SYT1: variants seen among roughly 807,000 people sequenced by gnomAD.
SYT1 encodes synaptotagmin 1, also known as synaptotagmin-1.
A neutral mutation model predicts 44.8 loss-of-function variants in SYT1; 8 were observed. The ratio of observed to expected loss-of-function variants is 0.18; its 90% CI spans 0.10 to 0.32. The LOEUF (loss-of-function observed/expected upper bound fraction) is 0.32. SYT1 is among the 10% of genes least tolerant of loss of function. The probability of loss-of-function intolerance (pLI) is 1.00; values close to 1 mark genes in which losing one functional copy is unlikely to be tolerated. For synonymous variants in SYT1, 154 were observed against 188.8 expected (o/e 0.82, Z 1.51); for missense variants, 286 against 509.3 (o/e 0.56, Z 4.22).
chr12:79,256,890 A>G (rs1226469733), intron 4 of SYT1, among the ~76,000 whole-genome samples: 2 of 152,216 alleles, frequency 1.3e-5, no homozygotes, highest in Non-Finnish European at 2.9e-5. Context: ...GGGTATACCC[A>G]TGATTCATCT....
chr12:79,117,153 T>A (rs1004307251), intron 3 of SYT1, among the ~76,000 whole-genome samples: 2 of 152,204 alleles, frequency 1.3e-5, no homozygotes, highest in African/African-American at 4.8e-5. Context: ...GTGGTCCCAA[T>A]AAAATCATTT....
intron 1 of SYT1, among the ~76,000 whole-genome samples, chr12:78,944,884 G>A (rs11111998): frequency 0.028 from 4,300 of 152,224 alleles, 210 homozygotes; most frequent in African/African-American, 0.097. Flanking sequence ...TGAGATTAAT[G>A]TAGAATAATT....
intron 3 of SYT1, among the ~76,000 whole-genome samples, chr12:79,126,029 T>C (rs1233578851): frequency 6.6e-6 from 1 of 152,340 alleles, no homozygotes; most frequent in South Asian, 2.1e-4. Context: ...GCTTCACTAC[T>C]GTATGTCATG....
chr12:78,924,522 T>G (rs756923473), intron 1 of SYT1, among the ~76,000 whole-genome samples: 73 of 151,158 alleles, frequency 4.8e-4, no homozygotes, highest in African/African-American at 8.2e-4. Context: ...AAAAACAGCT[T>G]TTTTCCACCT....
intron 1 of SYT1, among the ~76,000 whole-genome samples, chr12:78,929,407 CCCAAAAAAAAAAAAAAAAAAA>C (rs1398165668): frequency 6.1e-4 from 9 of 14,682 alleles, no homozygotes; most frequent in South Asian, 2.2e-3. Flanking sequence ...GAGACTCCGT[CCCAAAAAAAAAAAAAAAAAAA>C]AAAAAAAAAA....
chr12:78,934,406 G>T (rs1314257205), intron 1 of SYT1, among the ~76,000 whole-genome samples: 1 of 151,952 alleles, frequency 6.6e-6, no homozygotes, highest in Non-Finnish European at 1.5e-5. Flanking sequence ...GTGTGGTGGT[G>T]CACATCTGTA....
At chr12:79,296,327 A>G in intron 7 of SYT1, 91 bp downstream of exon 7, 1 of 1,320,146 alleles carries the variant, frequency 7.6e-7, no homozygotes, top group East Asian at 2.4e-5. Context: ...ATGCACATGA[A>G]TGCTTGTTCA....
In SYT1 at chr12:79,337,716, C is replaced by T. The variant is rs1054096405; in HGVS notation, c.811-15786C>T. Among the ~76,000 whole-genome samples, 11 of 152,106 alleles carry T rather than the reference C, an allele frequency of 7.2e-5. No individual in the cohort carries two copies. The East Asian group carries it at 9.6e-4, about 13-fold the overall frequency. The stretch of plus-strand genomic sequence containing the variant: ...TTTATCTGCCACTGTTTTTCATGAA[C>T]GCTCCAGGATCAAGAGCACACTTTC... On this transcript the variant is annotated intron_variant, in intron 8 of 10. Transcript: ENST00000261205.
intron 3 of SYT1, among the ~76,000 whole-genome samples, chr12:79,182,680 A>C (rs1386449592): frequency 2.6e-5 from 4 of 152,086 alleles, no homozygotes; most frequent in African/African-American, 9.7e-5. Context: ...CAGAGATCTG[A>C]ACTATAATTT....
chr12:79,122,542 A>G (rs1001856282), intron 3 of SYT1, among the ~76,000 whole-genome samples: 9 of 148,534 alleles, frequency 6.1e-5, no homozygotes, highest in Non-Finnish European at 1.3e-4. Flanking sequence ...AAAGAGATTC[A>G]TATTTCAAAT....
chr12:78,966,305 GTTTA>G (rs1565740342), intron 1 of SYT1, among the ~76,000 whole-genome samples: 1 of 151,232 alleles, frequency 6.6e-6, no homozygotes, highest in African/African-American at 2.4e-5. Flanking sequence ...TATTTGAATC[GTTTA>G]TTTGTCATAT....
intron 3 of SYT1, among the ~76,000 whole-genome samples, chr12:79,138,620 A>T (rs1217362554): frequency 1.3e-5 from 2 of 152,222 alleles, no homozygotes; most frequent in Non-Finnish European, 2.9e-5. Flanking sequence ...ACAGGATTAA[A>T]TACAAATACA....
chr12:78,905,451 A>G (rs117531926), intron 1 of SYT1, among the ~76,000 whole-genome samples: 1 of 152,108 alleles, frequency 6.6e-6, no homozygotes, highest in South Asian at 2.1e-4. Flanking sequence ...GAAGGAAAAC[A>G]GTTGTAATAG....
intron 3 of SYT1, among the ~76,000 whole-genome samples, chr12:79,070,824 G>A (rs1876221033): frequency 6.6e-6 from 1 of 152,006 alleles, no homozygotes; most frequent in Non-Finnish European, 1.5e-5. Flanking sequence ...TCAATATCAT[G>A]CAGTATACTT....
chr12:79,143,721 C>T (rs1376884706), intron 3 of SYT1, among the ~76,000 whole-genome samples: 1 of 152,122 alleles, frequency 6.6e-6, no homozygotes, highest in Non-Finnish European at 1.5e-5. Context: ...TCTGATGAAA[C>T]TGAAAAGAAT....
At chr12:78,931,242 G>GGAAA (rs1877672318) in intron 1 of SYT1, among the ~76,000 whole-genome samples, 1 of 22,444 alleles carries the variant, frequency 4.5e-5, no homozygotes, top group Non-Finnish European at 8.6e-5. Context: ...AAAGAAAGAA[G>GGAAA]GAAGGAAGGA....
intron 4 of SYT1, among the ~76,000 whole-genome samples, chr12:79,253,509 C>G (rs1030617253): frequency 6.6e-6 from 1 of 151,686 alleles, no homozygotes; most frequent in Non-Finnish European, 1.5e-5. Flanking sequence ...CTCTCTCTCT[C>G]TCTCTCTCTC....
chr12:79,236,997 T>A (rs1161406932), intron 4 of SYT1, among the ~76,000 whole-genome samples: 6 of 152,176 alleles, frequency 3.9e-5, no homozygotes, highest in African/African-American at 1.2e-4. Flanking sequence ...TAATTACAGT[T>A]TTGTATCAAT....
At chr12:78,949,898 A>T (rs190538457) in intron 1 of SYT1, among the ~76,000 whole-genome samples, 63 of 152,144 alleles carry the variant, frequency 4.1e-4, no homozygotes, top group Middle Eastern at 3.4e-3. Flanking sequence ...AACCTTTAAG[A>T]TATGCATTTC....
Sources: gnomAD v4.1 joint callset for allele counts (sites outside exome capture counted in the v4.1 genomes callset) on GRCh38, gnomAD v4.1.1 for gene constraint, MANE v1.5 for transcripts, NCBI Gene and HGNC (gene_info 2026-07-23, HGNC 2026-07-21) for gene names.